The following ZMYM6 variants were observed in gnomAD, a reference collection of about 807,000 sequenced individuals.
ZMYM6 encodes the protein zinc finger MYM-type containing 6.
ZMYM6 carries 90 observed loss-of-function variants against 134.0 expected under a neutral mutation model. The observed-to-expected ratio is 0.67, with a 90% CI of 0.57 to 0.80. The LOEUF (loss-of-function observed/expected upper bound fraction) is 0.80, where lower values mean the gene tolerates loss of function less well. Ranked by LOEUF, ZMYM6 falls within the 30% of genes least tolerant of loss-of-function variation. ZMYM6 has a pLI of 0.00. For missense variants in ZMYM6, 1,362 were observed against 1,533.9 expected (o/e 0.89, Z 1.87); for synonymous variants, 481 against 524.1 (o/e 0.92, Z 1.12).
At position 35,008,779 on chromosome 1, in the gene ZMYM6, C is replaced by T. The variant is rs748842813; in HGVS notation, c.1638G>A (p.Met546Ile). 4.3e-6 allele frequency: 7 copies of T among 1,613,680 alleles called. No homozygotes were observed. The East Asian group carries it at 1.3e-4, about 31-fold the overall frequency. The change falls in exon 11 of 16, where the codon ATG (methionine) becomes ATA (isoleucine). Residue 546 changes from methionine to isoleucine, a missense_variant. Transcript: ENST00000357182. The stretch of plus-strand genomic sequence containing the variant: ...GATAAAACAGAACTGTAAATTTGGA[C>T]ATACAATCTTCACAACAAAACTCTT... ...KLEEFCCEDC[M>I]SKFTVLFYQM...
Position 34,992,391 on chromosome 1 carries a change from G to C in ZMYM6, c.1993-4C>G. On this transcript the variant is annotated splice_polypyrimidine_tract_variant and splice_region_variant and intron_variant, in intron 14 of 15. Transcript: ENST00000357182. ...TAGCATCTTCCTGTGTACTTTCCTA[G>C]TTAAAAGCAAATTCAGAAACCAAAG... 6.2e-7 allele frequency: 1 copy of C among 1,607,982 alleles called. No individual in the cohort carries two copies.
In ZMYM6 at chr1:35,020,427, T is replaced by C; in HGVS notation, c.134A>G (p.Lys45Arg). The C allele has an allele frequency of 6.2e-7, 1 of 1,612,878 alleles. No homozygotes were observed. Among genetic ancestry groups the C allele is most frequent in the Non-Finnish European group, 8.5e-7 (1 of 1,179,700 alleles). ...CVQQPKTQESKLKIGGVSSVN... is the reference protein window; with the variant it reads ...CVQQPKTQESRLKIGGVSSVN... ...TGAAGACACACCACCAATTTTCAAT[T>C]TACTTTCTTGAGTTTTTGGCTGTTG... The change falls in exon 3 of 16, where the codon AAA becomes AGA. Residue 45 changes from lysine to arginine, a missense_variant. By Grantham distance (26) the Lys-to-Arg change is conservative (BLOSUM62 2). Around this residue, in one of 3 missense-constraint regions of ZMYM6, gnomAD observed 503 missense variants for 520.8 expected, o/e 0.97. Coordinates refer to ENST00000357182, the MANE Select transcript of ZMYM6 (RefSeq NM_007167.4).
chr1:35,018,669 T>C (rs998585015), intron 4 of ZMYM6: 1 of 152,278 alleles, frequency 6.6e-6, no homozygotes, highest in Non-Finnish European at 1.5e-5. Flanking sequence ...CTTAGAAAGT[T>C]AAACATCTAG....
intron 2 of ZMYM6, among the ~76,000 whole-genome samples, chr1:35,028,613 C>T (rs566569994): frequency 9.9e-4 from 150 of 151,670 alleles, no homozygotes; most frequent in African/African-American, 3.2e-3. Flanking sequence ...CATTCTCCTG[C>T]CTCAGCCTCC....
At chr1:35,020,281 TAAAG>T in intron 3 of ZMYM6, 98 bp downstream of exon 3, 1 of 1,087,502 alleles carries the variant, frequency 9.2e-7, no homozygotes, top group Non-Finnish European at 1.3e-6. Context: ...AACACAGCTC[TAAAG>T]AAAGAGAAAG....
At chr1:35,020,555 T>G in intron 2 of ZMYM6, 88 bp from the exon 3 acceptor site, 2 of 553,120 alleles carry the variant, frequency 3.6e-6, no homozygotes, top group Non-Finnish European at 5.5e-6. Flanking sequence ...AATTATTCTA[T>G]CCTATTCATC....
intron 2 of ZMYM6, among the ~76,000 whole-genome samples, chr1:35,027,480 G>A (rs927937638): frequency 2.6e-5 from 4 of 152,178 alleles, no homozygotes; most frequent in African/African-American, 9.7e-5. Context: ...CAGGCATGAT[G>A]GCTCATGCCT....
chr1:34,991,615 C>G (rs966914415), intron 15 of ZMYM6, among the ~76,000 whole-genome samples: 2 of 151,910 alleles, frequency 1.3e-5, no homozygotes, highest in African/African-American at 4.8e-5. Context: ...ACTAAAAATA[C>G]AAAAATTAGC....
intron 2 of ZMYM6, among the ~76,000 whole-genome samples, chr1:35,029,879 T>TAA (rs1641486107): frequency 6.6e-6 from 1 of 152,216 alleles, no homozygotes; most frequent in Non-Finnish European, 1.5e-5. Context: ...TGTAATTATA[T>TAA]ATATTACTTG....
At chr1:35,024,098 GT>G (rs1317247142) in intron 2 of ZMYM6, among the ~76,000 whole-genome samples, 3 of 152,006 alleles carry the variant, frequency 2.0e-5, no homozygotes, top group Non-Finnish European at 2.9e-5. Flanking sequence ...ATTGCACCAG[GT>G]AAAAACAAGT....
chr1:35,005,211 T>C lies in ZMYM6; in HGVS notation c.1875A>G (p.Thr625=). The C allele has an allele frequency of 6.2e-7, 1 of 1,614,102 alleles. No homozygotes were observed. Among genetic ancestry groups the C allele is most frequent in the Non-Finnish European group, 8.5e-7 (1 of 1,179,988 alleles). ...ATGACATCACACTGGTTATAACTGG[T>C]GTTGTATCTGTCCTTGCAGAAGGGA... The part of the protein sequence containing the change: ...TELPSARTDT[T]PVITSVMSLA... The change falls in exon 13 of 16, where the codon ACA becomes ACG. Residue 625 remains threonine, a synonymous_variant. Coordinates refer to ENST00000357182, the MANE Select transcript of ZMYM6 (RefSeq NM_007167.4).
chr1:35,026,997 C>T (rs2148462766), intron 2 of ZMYM6, among the ~76,000 whole-genome samples: 1 of 152,112 alleles, frequency 6.6e-6, no homozygotes, highest in Admixed American at 6.5e-5. Flanking sequence ...AAAGTGATTG[C>T]ACTATACAAT....
chr1:35,010,618 A>G (rs1331668568), intron 9 of ZMYM6, 21 bp from the exon 10 acceptor site: 1 of 1,592,002 alleles, frequency 6.3e-7, no homozygotes. Flanking sequence ...ACAACAGTCC[A>G]TTAAGAGCCA....
Position 34,988,712 on chromosome 1 carries a change from C to T in ZMYM6, c.2370G>A (p.Lys790=). 1 of 1,551,112 alleles carries T rather than the reference C, an allele frequency of 6.4e-7. No individual in the cohort carries two copies. Among genetic ancestry groups the T allele is most frequent in the Non-Finnish European group, 8.7e-7 (1 of 1,146,872 alleles). Residue 790 remains lysine (K), a synonymous_variant, in exon 16 of 16, where the codon AAG becomes AAA. Coordinates refer to ENST00000357182, the MANE Select transcript of ZMYM6 (RefSeq NM_007167.4). The part of the protein sequence containing the change: ...MKPANLSHHL[K]TKHSELENKP... Reference sequence around the variant, plus strand: ...TGTTTTCTAATTCTGAATGTTTTGTCTTCAAATGATGAGAAAGATTTGCTG... The same window carrying T: ...TGTTTTCTAATTCTGAATGTTTTGTTTTCAAATGATGAGAAAGATTTGCTG...
rs1244583401 is a variant in ZMYM6, at chr1:34,987,295, T to C, written c.3787A>G (p.Ser1263Gly). ...GCCCTTTCATGGAGTTCTGGGTAAC[T>C]TGTCTTTGCATTTATCCAAAACTGA... Reference protein sequence around the residue: ...VTQFWINAKTSYPELHERAMK... With the variant: ...VTQFWINAKTGYPELHERAMK... The change falls in exon 16 of 16, where the codon AGT (serine) becomes GGT (glycine). Residue 1263 changes from serine to glycine, a missense_variant. Ser to Gly is a moderately conservative substitution (Grantham distance 56, BLOSUM62 0). Coordinates refer to ENST00000357182, the MANE Select transcript of ZMYM6 (RefSeq NM_007167.4). The C allele has an allele frequency of 1.7e-5, 27 of 1,612,402 alleles. No homozygotes were observed. The highest frequency in any genetic ancestry group is 3.3e-5 in the Admixed American group (2 of 59,754).
chr1:35,026,409 A>C (rs752570024), intron 2 of ZMYM6, among the ~76,000 whole-genome samples: 18 of 152,220 alleles, frequency 1.2e-4, no homozygotes, highest in Non-Finnish European at 2.4e-4. Context: ...TCCAATATTC[A>C]AAGGAGATTC....
At position 34,988,910 on chromosome 1, in the gene ZMYM6, A is replaced by T. The variant is rs746673560; in HGVS notation, c.2172T>A (p.Asn724Lys). 12 of 1,611,762 alleles carry T rather than the reference A, an allele frequency of 7.4e-6. No homozygotes were observed. The Admixed American group carries it at 8.4e-5, about 11-fold the overall frequency. ...AAGGTGGAGAATCAAGTTCTGCATC[A>T]TTTTTTTCATTAGGCATAGGTAAAT... ...QTDLPMPNEK[N>K]DAELDSPPSK... Residue 724 changes from asparagine to lysine, a missense_variant, in exon 16 of 16, where the codon AAT (asparagine) becomes AAA (lysine). Asn to Lys is a moderately conservative substitution (Grantham distance 94). Transcript: ENST00000357182.
rs529391639 is a variant in ZMYM6 at position 35,001,882 on chromosome 1, G to A, written c.1992+2086C>T. Among the ~76,000 whole-genome samples, 4 of 152,302 alleles carry A rather than the reference G, an allele frequency of 2.6e-5. No homozygotes were observed. The South Asian group carries it at 8.3e-4, about 32-fold the overall frequency. ...CAGTGAAGGCTGGTCTGATTCCTTG[G>A]AAGACTTTTGCTAAAGAATGACTCT... is the stretch of plus-strand genomic sequence containing the variant. On this transcript the variant is annotated intron_variant, in intron 14 of 15. Transcript: ENST00000357182.
chr1:35,031,838 G>C lies in ZMYM6; in HGVS notation c.-98C>G, dbSNP rs1373684705. The C allele has an allele frequency of 6.6e-6, 1 of 152,488 alleles. No homozygotes were observed. The highest frequency in any genetic ancestry group is 6.5e-5 in the Admixed American group (1 of 15,288). 9.4% of individuals were successfully genotyped at this position (152,488 alleles called of 1,614,324 possible). ...ACCTTCTGTCGCCTCCCTGCTACCG[G>C]AGGAGCACTGGAATAGGAACCAAGT... On this transcript the variant is annotated 5_prime_UTR_variant, in exon 1 of 16. Transcript: ENST00000357182.
Sources: allele counts gnomAD v4.1 joint callset (sites outside exome capture counted in the v4.1 genomes callset), GRCh38; gene constraint gnomAD v4.1.1; regional missense constraint gnomAD v4.1.1; transcripts MANE v1.5; gene names NCBI Gene and HGNC (gene_info 2026-07-23, HGNC 2026-07-21).